The following FBXO34 variants were observed in gnomAD, a reference collection of about 807,000 sequenced individuals.
FBXO34 encodes the protein F-box only protein 34.
In FBXO34, 12 loss-of-function variants were observed where a neutral mutation model predicts 24.5. The observed-to-expected ratio is 0.49, with a 90% CI of 0.31 to 0.79. FBXO34 has a LOEUF of 0.79. FBXO34 is among the 30% of genes least tolerant of loss of function. FBXO34 has a pLI of 0.04. For synonymous variants in FBXO34, 320 were observed against 311.9 expected (o/e 1.03, Z -0.27); for missense variants, 823 against 857.7 (o/e 0.96, Z 0.51).
chr14:55,440,298 TGGTCGC>T, the FBXO34 span: 1 of 1,437,802 alleles, frequency 7.0e-7, no homozygotes. Context: ...CCGCCTCTTA[TGGTCGC>T]TATGAGTTTT....
intron 3 of FBXO34, among the ~76,000 whole-genome samples, chr14:55,361,280 C>T (rs1291301731): frequency 6.6e-6 from 1 of 152,132 alleles, no homozygotes; most frequent in East Asian, 1.9e-4. Flanking sequence ...TCTTGGATGA[C>T]CAGGTACAAT....
chr14:55,365,239 A>C (rs569291919), downstream of FBXO34, among the ~76,000 whole-genome samples: 35 of 150,744 alleles, frequency 2.3e-4, no homozygotes, highest in Admixed American at 4.6e-4. Context: ...AAAAAAAAAA[A>C]AAAAAACAAA....
intron 1 of FBXO34, among the ~76,000 whole-genome samples, chr14:55,341,817 T>C (rs1566563786): frequency 6.6e-6 from 1 of 152,206 alleles, no homozygotes; most frequent in Non-Finnish European, 1.5e-5. Flanking sequence ...AGGAAATGAC[T>C]ACGGATTAAC....
the FBXO34 span, chr14:55,424,128 TTA>T: frequency 2.0e-6 from 3 of 1,516,272 alleles, no homozygotes; most frequent in African/African-American, 4.1e-5. Flanking sequence ...CAATTACATT[TTA>T]TGAGTCAGAA....
rs1420102251 is a variant in FBXO34 at position 55,350,870 on chromosome 14, C to T, written c.480C>T (p.Ala160=). Residue 160 remains alanine, a synonymous_variant, in exon 2 of 2, where the codon GCC becomes GCT. Coordinates refer to ENST00000313833, the MANE Select transcript of FBXO34 (RefSeq NM_017943.4). ...RRKKSGDLKK[A]KVQVERMREV... ...AAAAATCAGGGGATCTTAAAAAAGC[C>T]AAGGTACAGGTGGAAAGGATGAGGG... 3 of 1,613,056 alleles carry T rather than the reference C, an allele frequency of 1.9e-6. No individual in the cohort carries two copies. Among genetic ancestry groups the T allele is most frequent in the African/African-American group, 2.7e-5 (2 of 74,802 alleles).
downstream of FBXO34, chr14:55,369,025 C>T (rs1004641439): frequency 6.6e-6 from 1 of 150,640 alleles, no homozygotes; most frequent in Non-Finnish European, 1.5e-5. Flanking sequence ...ACAGGAATGT[C>T]TGACAAACTA....
Position 55,306,989 on chromosome 14 carries a change from A to G in FBXO34, c.-11+35452A>G, listed in dbSNP as rs149103607. Among the ~76,000 whole-genome samples, 8 of 152,308 alleles carry G rather than the reference A, an allele frequency of 5.3e-5. No homozygotes were observed. In the East Asian group the frequency reaches 1.3e-3, roughly 26 times the overall value. ...TTGGAATCATTTTTTCCTATATCCT[A>G]TTAGCTAATTCCGAGATTGTTTAAT... On this transcript the variant is annotated intron_variant, in intron 1 of 1. Transcript: ENST00000313833.
chr14:55,427,694 G>A, the FBXO34 span, among the ~76,000 whole-genome samples: 2 of 152,040 alleles, frequency 1.3e-5, no homozygotes, highest in African/African-American at 4.8e-5. Context: ...CCTGGGATGG[G>A]AGAGCCACCA....
chr14:55,288,422 G>A (rs988481187), intron 1 of FBXO34, among the ~76,000 whole-genome samples: 2 of 151,916 alleles, frequency 1.3e-5, no homozygotes, highest in Non-Finnish European at 2.9e-5. Context: ...AAAATTAAAT[G>A]GTTTAATTAA....
In FBXO34 at chr14:55,350,784, A is replaced by T. The variant is rs1484335154; in HGVS notation, c.394A>T (p.Ile132Leu). The T allele has an allele frequency of 3.1e-6, 5 of 1,606,552 alleles. No homozygotes were observed. In the African/African-American group the frequency reaches 6.7e-5, roughly 22 times the overall value. The change falls in exon 2 of 2, where the codon ATA (isoleucine) becomes TTA (leucine). Residue 132 changes from isoleucine to leucine, a missense_variant. By Grantham distance (5) the Ile-to-Leu change is conservative. Transcript: ENST00000313833. ...TGCATCCCACCAGTGTAGTAACAGGATAGGATCTATGAAAATAAAAAGTTC... is the reference window on the plus strand; with the variant it reads ...TGCATCCCACCAGTGTAGTAACAGGTTAGGATCTATGAAAATAAAAAGTTC... ...FFASHQCSNR[I>L]GSMKIKSSWD...
chr14:55,421,557 A>T, the FBXO34 span, among the ~76,000 whole-genome samples: 2 of 152,116 alleles, frequency 1.3e-5, no homozygotes, highest in African/African-American at 4.8e-5. Context: ...TCTGCCTCCC[A>T]GGTTCAAGTG....
intron 1 of FBXO34, among the ~76,000 whole-genome samples, chr14:55,297,766 A>T (rs1882191576): frequency 6.6e-6 from 1 of 152,192 alleles, no homozygotes; most frequent in South Asian, 2.1e-4. Flanking sequence ...AAAGGATCTC[A>T]CTAAAGATTA....
the FBXO34 span, chr14:55,391,232 T>C: frequency 6.1e-6 from 2 of 328,962 alleles, no homozygotes; most frequent in Non-Finnish European, 1.1e-5. Context: ...TCGCAGCACT[T>C]TGGGAGGCCA....
chr14:55,374,416 T>G (rs896242037), downstream of FBXO34, among the ~76,000 whole-genome samples: 4 of 152,252 alleles, frequency 2.6e-5, no homozygotes. Context: ...TGTACTGATT[T>G]GAAAGATTTC....
At chr14:55,317,411 G>A (rs78069080) in intron 1 of FBXO34, among the ~76,000 whole-genome samples, 14 of 152,092 alleles carry the variant, frequency 9.2e-5, no homozygotes, top group Non-Finnish European at 1.5e-4. Flanking sequence ...GCCCGGGAAG[G>A]CAGAGGTTGC....
At chr14:55,320,224 T>C (rs1390488804) in intron 1 of FBXO34, among the ~76,000 whole-genome samples, 1 of 152,114 alleles carries the variant, frequency 6.6e-6, no homozygotes, top group Non-Finnish European at 1.5e-5. Context: ...CTCATTGGCA[T>C]GGTTTGGGGA....
chr14:55,419,507 A>G, the FBXO34 span, among the ~76,000 whole-genome samples: 2 of 152,186 alleles, frequency 1.3e-5, no homozygotes, highest in African/African-American at 4.8e-5. Context: ...TAAATGTCAC[A>G]CCAGCCACAG....
intron 1 of FBXO34, among the ~76,000 whole-genome samples, chr14:55,343,805 T>C (rs1001548530): frequency 6.6e-6 from 1 of 152,236 alleles, no homozygotes; most frequent in Non-Finnish European, 1.5e-5. Context: ...CATTCGATTC[T>C]TCATCAGGTT....
chr14:55,357,293 G>A (rs988804252), downstream of FBXO34, among the ~76,000 whole-genome samples: 27 of 152,228 alleles, frequency 1.8e-4, no homozygotes, highest in African/African-American at 6.5e-4. Flanking sequence ...AACTGAAATG[G>A]AAGCAGAGAT....
Sources: allele counts gnomAD v4.1 joint callset (sites outside exome capture counted in the v4.1 genomes callset), GRCh38; gene constraint gnomAD v4.1.1; transcripts MANE v1.5; gene names NCBI Gene and HGNC (gene_info 2026-07-23, HGNC 2026-07-21).